FRMPD2: variants seen among roughly 807,000 people sequenced by gnomAD.
The protein encoded by FRMPD2 is FERM and PDZ domain containing 2, also known as FERM and PDZ domain-containing protein 2.
A neutral mutation model predicts 140.1 loss-of-function variants in FRMPD2; 96 were observed. The ratio of observed to expected loss-of-function variants is 0.69; its 90% confidence interval spans 0.58 to 0.81. The LOEUF (loss-of-function observed/expected upper bound fraction) is 0.81. Ranked by LOEUF, FRMPD2 falls within the 40% of genes least tolerant of loss-of-function variation. The probability of loss-of-function intolerance (pLI) is 0.00; values close to 1 mark genes in which losing one functional copy is unlikely to be tolerated. For missense variants in FRMPD2, 1,240 were observed against 1,447.4 expected, an observed-to-expected ratio of 0.86 and a Z score of 2.32; for synonymous variants, 449 against 547.6, an observed-to-expected ratio of 0.82 and a Z score of 2.52.
At chr10:48,162,537 C>T (rs1485364994) in intron 28 of FRMPD2, among the ~76,000 whole-genome samples, 1 of 147,568 alleles carries the variant, frequency 6.8e-6, no homozygotes, top group Non-Finnish European at 1.5e-5. Context: ...GTGCCCATGC[C>T]TCTGGCTGGC....
chr10:48,192,030 G>A (rs73292202), intron 16 of FRMPD2, among the ~76,000 whole-genome samples: 2,219 of 152,266 alleles, frequency 0.015, 48 homozygotes, highest in African/African-American at 0.049. Context: ...ATATGTACAC[G>A]TGCTCAGAAC....
At chr10:48,199,002 T>G (rs185460064) in intron 15 of FRMPD2, among the ~76,000 whole-genome samples, 1 of 152,194 alleles carries the variant, frequency 6.6e-6, no homozygotes, top group Non-Finnish European at 1.5e-5. Context: ...GAAAATCAAA[T>G]ACTGCATGTT....
At chr10:48,207,420 G>A (rs1839226392) in intron 13 of FRMPD2, among the ~76,000 whole-genome samples, 1 of 152,068 alleles carries the variant, frequency 6.6e-6, no homozygotes, top group South Asian at 2.1e-4. Context: ...TGTTAGTTGT[G>A]AACCACCCTG....
chr10:48,215,255 A>C (rs115759935), intron 12 of FRMPD2, among the ~76,000 whole-genome samples: 2,187 of 152,226 alleles, frequency 0.014, 50 homozygotes, highest in African/African-American at 0.048. Flanking sequence ...GGTGGCCCCC[A>C]CCCAGCTTCA....
intron 12 of FRMPD2, among the ~76,000 whole-genome samples, chr10:48,218,279 T>G (rs1839499496): frequency 6.6e-6 from 1 of 152,270 alleles, no homozygotes; most frequent in Middle Eastern, 3.4e-3. Context: ...ACATATGAAT[T>G]TTGGGGCTCA....
At position 48,244,843 on chromosome 10, in the gene FRMPD2, C is replaced by T. The variant is rs532779281; in HGVS notation, c.316G>A (p.Val106Ile). The change falls in exon 4 of 29, where the codon GTC becomes ATC. Residue 106 changes from valine (V) to isoleucine (I), a missense_variant. Physicochemically the swap from Val to Ile is conservative, Grantham distance 29 (BLOSUM62 3). This residue lies in a region of FRMPD2 where 1,161 missense variants were observed against 1,055.9 expected (regional missense o/e 1.10). Transcript: ENST00000374201. Reference protein sequence around the residue: ...DEQPDASQMHVYSLGMTLYWS... With the variant: ...DEQPDASQMHIYSLGMTLYWS... ...TAGAGGGTCATTCCTAAAGAATAGACATGCATCTGCCCAAAAGAAGAGTAC... is the reference window on the plus strand; with the variant it reads ...TAGAGGGTCATTCCTAAAGAATAGATATGCATCTGCCCAAAAGAAGAGTAC... 3 of 1,609,888 alleles carry T rather than the reference C, an allele frequency of 1.9e-6. No individual in the cohort carries two copies. The highest frequency in any genetic ancestry group is 1.7e-5 in the Admixed American group (1 of 60,022).
In FRMPD2 at chr10:48,232,120, A is replaced by G; in HGVS notation, c.1163T>C (p.Met388Thr). 6.2e-7 allele frequency: 1 copy of G among 1,614,168 alleles called. No homozygotes were observed. The highest frequency in any genetic ancestry group is 8.5e-7 in the Non-Finnish European group (1 of 1,180,022). ...EELTYFGLAYMKSKEFFFLDS... is the reference protein window; with the variant it reads ...EELTYFGLAYTKSKEFFFLDS... Reference sequence around the variant, plus strand: ...GCTGCCCAAGAGATGCTTACTTTTCATATACGCCAAGCCAAAGTAGGTGAG... The same window carrying G: ...GCTGCCCAAGAGATGCTTACTTTTCGTATACGCCAAGCCAAAGTAGGTGAG... Residue 388 changes from methionine (M) to threonine (T), a missense_variant, in exon 10 of 29, where the codon ATG (methionine) becomes ACG (threonine). Physicochemically the swap from Met to Thr is moderately conservative, Grantham distance 81 (BLOSUM62 -1). Transcript: ENST00000374201.
At chr10:48,187,119 G>A (rs937262485) in intron 17 of FRMPD2, 73 bp downstream of exon 17, 5 of 921,928 alleles carry the variant, frequency 5.4e-6, no homozygotes, top group Non-Finnish European at 8.4e-6. Flanking sequence ...AATAAGTGGT[G>A]GTAAAAGACT....
chr10:48,197,302 G>T (rs1302841356), intron 15 of FRMPD2, among the ~76,000 whole-genome samples: 1 of 152,080 alleles, frequency 6.6e-6, no homozygotes, highest in Non-Finnish European at 1.5e-5. Context: ...CTCACACTGA[G>T]CACAGAACAC....
At position 48,222,418 on chromosome 10, in the gene FRMPD2, C is replaced by T; in HGVS notation, c.1350G>A (p.Gln450=). ...TCTCCTCCAGGATATCTTTCCGAAG[C>T]TGCAGGTAAAACTGGTGCCTTGTCA... ...HSLTRHQFYL[Q]LRKDILEERL... Residue 450 remains glutamine (Q), a synonymous_variant, in exon 12 of 29, where the codon CAG becomes CAA. Transcript: ENST00000374201. 4.3e-6 allele frequency: 7 copies of T among 1,614,104 alleles called. No homozygotes were observed. Among genetic ancestry groups the T allele is most frequent in the Non-Finnish European group, 5.1e-6 (6 of 1,179,972 alleles).
chr10:48,217,933 C>G (rs1235894643), intron 12 of FRMPD2, among the ~76,000 whole-genome samples: 1 of 152,202 alleles, frequency 6.6e-6, no homozygotes, highest in Non-Finnish European at 1.5e-5. Context: ...TACTAATCTA[C>G]TAGGGTTGCC....
chr10:48,181,525 G>GT (rs1838546760), intron 20 of FRMPD2, among the ~76,000 whole-genome samples: 1 of 152,082 alleles, frequency 6.6e-6, no homozygotes, highest in Non-Finnish European at 1.5e-5. Context: ...AAAAACCAAC[G>GT]TATCAGGTCC....
intron 12 of FRMPD2, among the ~76,000 whole-genome samples, chr10:48,219,450 A>C (rs1338321860): frequency 6.6e-6 from 1 of 152,052 alleles, no homozygotes; most frequent in Non-Finnish European, 1.5e-5. Context: ...CTCTGCTCCT[A>C]CTGATACACC....
intron 27 of FRMPD2, among the ~76,000 whole-genome samples, chr10:48,167,729 C>G (rs1394994425): frequency 6.6e-6 from 1 of 151,972 alleles, no homozygotes; most frequent in Non-Finnish European, 1.5e-5. Flanking sequence ...CACAGATAGG[C>G]GGTCACATAC....
intron 3 of FRMPD2, among the ~76,000 whole-genome samples, chr10:48,248,291 G>C (rs1840298371): frequency 6.6e-6 from 1 of 152,130 alleles, no homozygotes; most frequent in Non-Finnish European, 1.5e-5. Context: ...ATGTTTACTG[G>C]AAACTTCTGC....
At chr10:48,191,311 T>A (rs1406640330) in intron 16 of FRMPD2, among the ~76,000 whole-genome samples, 1 of 152,160 alleles carries the variant, frequency 6.6e-6, no homozygotes, top group Non-Finnish European at 1.5e-5. Context: ...TAGTCCAGCA[T>A]CTGCTGGACC....
intron 1 of FRMPD2, among the ~76,000 whole-genome samples, chr10:48,253,919 C>T (rs955797735): frequency 3.9e-5 from 6 of 152,052 alleles, no homozygotes; most frequent in African/African-American, 1.4e-4. Context: ...AATCAAGCAC[C>T]CTTCTTTTTG....
chr10:48,189,454 G>T (rs916591348), intron 16 of FRMPD2, among the ~76,000 whole-genome samples: 1 of 152,226 alleles, frequency 6.6e-6, no homozygotes, highest in East Asian at 1.9e-4. Context: ...AACTGCTCAG[G>T]AATGCCACTG....
chr10:48,184,771 T>A lies in FRMPD2; in HGVS notation c.2467+3A>T. On this transcript the variant is annotated splice_donor_region_variant and intron_variant, in intron 19 of 28. Coordinates refer to ENST00000374201, the MANE Select transcript of FRMPD2 (RefSeq NM_001018071.4). ...GCATCTCTAGTAATTTAAAAAGATG[T>A]ACCTGGTTTGATCGTTTTTGCTTTT... 1.2e-6 allele frequency: 2 copies of A among 1,609,174 alleles called. No homozygotes were observed.
Sources: allele counts gnomAD v4.1 joint callset (sites outside exome capture counted in the v4.1 genomes callset), GRCh38; gene constraint gnomAD v4.1.1; regional missense constraint gnomAD v4.1.1; transcripts MANE v1.5; gene names NCBI Gene and HGNC (gene_info 2026-07-23, HGNC 2026-07-21).